The following ZNF354B variants were observed in gnomAD, a reference collection of about 807,000 sequenced individuals.
ZNF354B encodes the protein zinc finger protein 354B.
Under a neutral mutation model 12.9 loss-of-function variants are expected in ZNF354B, and 10 were observed. That is an observed-to-expected ratio of 0.77 (90% CI 0.48 to 1.31). The LOEUF is 1.31. ZNF354B is among the 40% of genes most tolerant of loss of function. The pLI is 0.00. For missense variants in ZNF354B, 614 were observed against 711.7 expected (o/e 0.86, Z 1.56); for synonymous variants, 260 against 243.7 (o/e 1.07, Z -0.62).
Position 178,882,909 on chromosome 5 carries a change from A to G in ZNF354B, c.457A>G (p.Thr153Ala). ...TTCAGTTGCCCATACAAAAATCCTTACTGTAGATAGAAGCCATAAAAATGT... is the reference window on the plus strand; with the variant it reads ...TTCAGTTGCCCATACAAAAATCCTTGCTGTAGATAGAAGCCATAAAAATGT... Reference protein sequence around the residue: ...IISVAHTKILTVDRSHKNVEF... With the variant: ...IISVAHTKILAVDRSHKNVEF... The change falls in exon 5 of 5, where the codon ACT becomes GCT. Residue 153 changes from threonine (T) to alanine (A), a missense_variant. Coordinates refer to ENST00000322434, the MANE Select transcript of ZNF354B (RefSeq NM_058230.3). 1 of 1,600,454 alleles carries G rather than the reference A, an allele frequency of 6.2e-7. No individual in the cohort carries two copies. Among genetic ancestry groups the G allele is most frequent in the Admixed American group, 1.8e-5 (1 of 56,326 alleles).
intron 4 of ZNF354B, among the ~76,000 whole-genome samples, chr5:178,881,213 T>C (rs1581816718): frequency 6.6e-6 from 1 of 152,186 alleles, no homozygotes; most frequent in African/African-American, 2.4e-5. Context: ...CATTTGTCAA[T>C]GTCTTGAAAG....
intron 4 of ZNF354B, among the ~76,000 whole-genome samples, chr5:178,867,793 T>C (rs1374098702): frequency 6.6e-6 from 1 of 152,212 alleles, no homozygotes; most frequent in African/African-American, 2.4e-5. Flanking sequence ...GCTGGTGACA[T>C]TAGTTACACT....
rs1430470343 is a variant in ZNF354B, at chr5:178,884,617, A to G, written c.*326A>G. 1 of 187,522 alleles carries G rather than the reference A, an allele frequency of 5.3e-6. No homozygotes were observed. Among genetic ancestry groups the G allele is most frequent in the African/African-American group, 2.3e-5 (1 of 42,744 alleles). The allele number at this position is 187,522 out of a possible 1,614,324, so 11.6% of individuals were successfully genotyped here. On this transcript the variant is annotated 3_prime_UTR_variant, in exon 5 of 5. Transcript: ENST00000322434. The stretch of plus-strand genomic sequence containing the variant: ...GTGCTGAATTTTTCATTAGAAAAAC[A>G]TTTGTATAAACTACTATTATATAAA...
At chr5:178,876,196 A>T (rs561930916) in intron 4 of ZNF354B, among the ~76,000 whole-genome samples, 9 of 152,352 alleles carry the variant, frequency 5.9e-5, no homozygotes, top group South Asian at 2.1e-4. Context: ...CAACTGAAGC[A>T]TTCAGGTAGG....
At chr5:178,868,971 C>CA (rs374983108) in intron 4 of ZNF354B, among the ~76,000 whole-genome samples, 1,612 of 96,120 alleles carry the variant, frequency 0.017, 13 homozygotes, top group Middle Eastern at 0.042. Flanking sequence ...GACTCCAACT[C>CA]AAAAAAAAAA....
At chr5:178,866,922 T>C (rs1018223741) in intron 3 of ZNF354B, 54 bp from the exon 4 acceptor site, 21 of 1,549,630 alleles carry the variant, frequency 1.4e-5, no homozygotes, top group East Asian at 9.0e-5. Context: ...AGGGATACTT[T>C]GTTGTGTCAA....
At chr5:178,861,247 C>A (rs1002766149) in intron 2 of ZNF354B, among the ~76,000 whole-genome samples, 167 bp downstream of exon 2, 1 of 151,798 alleles carries the variant, frequency 6.6e-6, no homozygotes. Context: ...ACCCACCCTC[C>A]CCACCCGTGT....
chr5:178,883,872 G>C lies in ZNF354B; in HGVS notation c.1420G>C (p.Ala474Pro), dbSNP rs538583007. The C allele has an allele frequency of 4.3e-6, 7 of 1,613,984 alleles. No individual in the cohort carries two copies. The highest frequency in any genetic ancestry group is 5.1e-6 in the Non-Finnish European group (6 of 1,179,994). ...KPCKCKVCGK[A>P]FRQSSALIQH... ...ATGTAAATGTAAAGTATGTGGAAAA[G>C]CCTTCAGACAGAGTTCCGCTCTCAT... Residue 474 changes from alanine (A) to proline (P), a missense_variant, in exon 5 of 5, where the codon GCC becomes CCC. Ala to Pro is a conservative substitution (Grantham distance 27, BLOSUM62 -1). Transcript: ENST00000322434.
At chr5:178,881,337 C>T (rs917568871) in intron 4 of ZNF354B, among the ~76,000 whole-genome samples, 1 of 152,014 alleles carries the variant, frequency 6.6e-6, no homozygotes, top group Non-Finnish European at 1.5e-5. Context: ...ACAGGGCAGC[C>T]CACCCTATCC....
Position 178,884,538 on chromosome 5 carries a change from T to C in ZNF354B, c.*247T>C. The C allele has an allele frequency of 2.8e-6, 1 of 362,008 alleles. No homozygotes were observed. Among genetic ancestry groups the C allele is most frequent in the Non-Finnish European group, 4.9e-6 (1 of 204,742 alleles). The allele number at this position is 362,008 out of a possible 1,614,324, so 22.4% of individuals were successfully genotyped here. On this transcript the variant is annotated 3_prime_UTR_variant, in exon 5 of 5. Transcript: ENST00000322434. The stretch of plus-strand genomic sequence containing the variant: ...TAAAAGGTATGTTTATAAAATCTCT[T>C]TATATAATATATGCTATCTATGACA...
At chr5:178,862,533 AT>A (rs1025071179) in intron 2 of ZNF354B, among the ~76,000 whole-genome samples, 3 of 151,092 alleles carry the variant, frequency 2.0e-5, no homozygotes, top group Admixed American at 6.6e-5. Flanking sequence ...CGCCCGGCTA[AT>A]TTTTTTTTGT....
Position 178,884,221 on chromosome 5 carries a change from G to A in ZNF354B, c.1769G>A (p.Arg590Lys). Reference sequence around the variant, plus strand: ...GCATGTGGGAAACTCTTTAGCCAGAGGTCATCCCTTACTAATCATTATAAA... The same window carrying A: ...GCATGTGGGAAACTCTTTAGCCAGAAGTCATCCCTTACTAATCATTATAAA... ...CNACGKLFSQ[R>K]SSLTNHYKIH... Residue 590 changes from arginine (R) to lysine (K), a missense_variant, in exon 5 of 5, where the codon AGG becomes AAG. Transcript: ENST00000322434. 6.2e-7 allele frequency: 1 copy of A among 1,613,274 alleles called. No homozygotes were observed. Among genetic ancestry groups the A allele is most frequent in the Non-Finnish European group, 8.5e-7 (1 of 1,179,616 alleles).
intron 2 of ZNF354B, among the ~76,000 whole-genome samples, chr5:178,862,901 T>A (rs1196002865): frequency 6.6e-6 from 1 of 152,196 alleles, no homozygotes; most frequent in Non-Finnish European, 1.5e-5. Flanking sequence ...TAGACCTGTG[T>A]GTAAAATTCA....
intron 4 of ZNF354B, among the ~76,000 whole-genome samples, chr5:178,875,945 T>G (rs989647853): frequency 1.3e-5 from 2 of 152,050 alleles, no homozygotes; most frequent in African/African-American, 4.8e-5. Context: ...ACGGCTGTTC[T>G]GCTGTCCAAA....
At chr5:178,869,756 G>C (rs1312500494) in intron 4 of ZNF354B, among the ~76,000 whole-genome samples, 1 of 152,056 alleles carries the variant, frequency 6.6e-6, no homozygotes, top group African/African-American at 2.4e-5. Context: ...AAGAAAGGAC[G>C]TCAGAGCTGT....
intron 2 of ZNF354B, among the ~76,000 whole-genome samples, chr5:178,862,969 T>G (rs573028309): frequency 4.6e-5 from 7 of 152,220 alleles, no homozygotes; most frequent in Non-Finnish European, 8.8e-5. Flanking sequence ...ACCGGAGTTA[T>G]GATCTTGCTG....
At chr5:178,874,176 C>T (rs750265308) in intron 4 of ZNF354B, among the ~76,000 whole-genome samples, 15 of 152,096 alleles carry the variant, frequency 9.9e-5, no homozygotes, top group Admixed American at 3.9e-4. Context: ...AGGCTGGTCT[C>T]GAACTCCTGG....
chr5:178,866,890 G>A, intron 3 of ZNF354B, 86 bp from the exon 4 acceptor site: 1 of 1,322,634 alleles, frequency 7.6e-7, no homozygotes, highest in Non-Finnish European at 1.1e-6. Flanking sequence ...CTGTAGAAAA[G>A]CCACGGTTAC....
chr5:178,866,984 T>C lies in ZNF354B; in HGVS notation c.169T>C (p.Phe57Leu), dbSNP rs756832036. The C allele has an allele frequency of 6.2e-7, 1 of 1,614,018 alleles. No homozygotes were observed. Among genetic ancestry groups the C allele is most frequent in the Non-Finnish European group, 8.5e-7 (1 of 1,179,902 alleles). ...TTGTTGTTTATGTGCAGGACTCTCA[T>C]TTACCAAACCAAAAGTCATCTCCCT... The part of the protein sequence containing the change: ...YRNLVSLGLS[F>L]TKPKVISLLQ... The change falls in exon 4 of 5, where the codon TTT becomes CTT. Residue 57 changes from phenylalanine to leucine, a missense_variant. Transcript: ENST00000322434.
Sources: gnomAD v4.1 joint callset for allele counts (sites outside exome capture counted in the v4.1 genomes callset) on GRCh38, gnomAD v4.1.1 for gene constraint, MANE v1.5 for transcripts, NCBI Gene and HGNC (gene_info 2026-07-23, HGNC 2026-07-21) for gene names.